Variants in SOX5 observed in about 807,000 individuals in gnomAD.
SOX5 encodes the protein SRY-box transcription factor 5.
In SOX5, 9 loss-of-function variants were observed where a neutral mutation model predicts 92.0. The observed-to-expected ratio is 0.10, with a 90% confidence interval of 0.06 to 0.17. SOX5 has a LOEUF of 0.17. Among genes scored for constraint, SOX5 ranks in the 10% least tolerant of loss-of-function variants. The probability of loss-of-function intolerance (pLI) is 1.00; values close to 1 mark genes in which losing one functional copy is unlikely to be tolerated. For missense variants in SOX5, 642 were observed against 944.5 expected (o/e 0.68, Z 4.20); for synonymous variants, 344 against 336.3 (o/e 1.02, Z -0.25).
intron 13 of SOX5, among the ~76,000 whole-genome samples, chr12:23,540,104 AAAAAG>A (rs1023985930): frequency 1.3e-5 from 2 of 151,636 alleles, no homozygotes; most frequent in African/African-American, 4.8e-5. Flanking sequence ...ATAAAAAAAA[AAAAAG>A]AGAGAAAAAA....
intron 2 of SOX5, among the ~76,000 whole-genome samples, chr12:24,281,101 A>G (rs1352128913): frequency 6.6e-6 from 1 of 151,970 alleles, no homozygotes; most frequent in East Asian, 1.9e-4. Flanking sequence ...GGGTACAAAT[A>G]GAAAAGAGAA....
chr12:23,715,254 G>C (rs1312568618), intron 6 of SOX5, among the ~76,000 whole-genome samples: 1 of 148,820 alleles, frequency 6.7e-6, no homozygotes, highest in Non-Finnish European at 1.5e-5. Flanking sequence ...AGCCGAGATA[G>C]TGCCACTGCA....
intron 4 of SOX5, among the ~76,000 whole-genome samples, chr12:23,751,391 C>G (rs1405173869): frequency 2.0e-5 from 3 of 151,932 alleles, no homozygotes; most frequent in Admixed American, 2.0e-4. Flanking sequence ...GATATAAACC[C>G]TTACATATTG....
At chr12:24,065,661 AAAAAAGAAAAGAAAAAAG>A (rs1940595841) in intron 4 of SOX5, among the ~76,000 whole-genome samples, 1 of 116,078 alleles carries the variant, frequency 8.6e-6, no homozygotes, top group Non-Finnish European at 2.3e-5. Flanking sequence ...AAAAAAAAAA[AAAAAAGAAAAGAAAAAAG>A]AAAAAGAAAA....
chr12:23,911,097 T>C (rs972580460), intron 1 of SOX5, among the ~76,000 whole-genome samples: 2 of 151,900 alleles, frequency 1.3e-5, no homozygotes, highest in Non-Finnish European at 2.9e-5. Flanking sequence ...ATTCAAATCA[T>C]AGTACAGAAG....
In SOX5 at chr12:24,068,680, A is replaced by ATGTGTGTGTGTG. The variant is rs367765179; in HGVS notation, c.-2+144651_-2+144662dup. ...TTATTTTTAGAAAGGTCAAAGTCGT[A>ATGTGTGTGTGTG]TGTGTGTGTGTGTGTGTGTGTGTGT... On this transcript the variant is annotated intron_variant, in intron 4 of 4. Coordinates refer to the SOX5 transcript ENST00000446891. Among the ~76,000 whole-genome samples, 231 of 62,888 alleles carry ATGTGTGTGTGTG rather than the reference A, an allele frequency of 3.7e-3. 2 individuals carry two copies. The highest frequency in any genetic ancestry group is 7.6e-3 in the South Asian group (6 of 788). 41.3% of individuals were successfully genotyped at this position (62,888 alleles called of 152,430 possible).
chr12:23,903,827 T>C (rs1263474447), intron 1 of SOX5, among the ~76,000 whole-genome samples: 1 of 152,186 alleles, frequency 6.6e-6, no homozygotes, highest in African/African-American at 2.4e-5. Context: ...GAATTAAACT[T>C]TACTGTGTAT....
chr12:24,475,462 G>C (rs953415541), intron 1 of SOX5, among the ~76,000 whole-genome samples: 1 of 152,124 alleles, frequency 6.6e-6, no homozygotes, highest in African/African-American at 2.4e-5. Context: ...TTTATGAACT[G>C]AGCTGAAGTT....
chr12:24,241,329 T>C (rs561824031), intron 3 of SOX5, among the ~76,000 whole-genome samples: 71 of 152,302 alleles, frequency 4.7e-4, no homozygotes, highest in Middle Eastern at 3.4e-3. Context: ...CTCTGCCTGA[T>C]TTCATTACAA....
intron 9 of SOX5, chr12:23,582,394 T>A: frequency 2.2e-6 from 1 of 447,520 alleles, no homozygotes; most frequent in Non-Finnish European, 3.0e-6. Context: ...CGTGCAAGAG[T>A]CAAAGTAACC....
At chr12:23,543,982 C>G (rs1942640800) in intron 12 of SOX5, among the ~76,000 whole-genome samples, 1 of 152,182 alleles carries the variant, frequency 6.6e-6, no homozygotes, top group Admixed American at 6.5e-5. Context: ...TATGCTGATA[C>G]AGCAATGACA....
intron 1 of SOX5, among the ~76,000 whole-genome samples, chr12:23,926,716 A>G (rs780926720): frequency 2.0e-5 from 3 of 152,036 alleles, no homozygotes; most frequent in Admixed American, 6.6e-5. Context: ...GACAGATTTG[A>G]GTGTTTATTT....
intron 3 of SOX5, among the ~76,000 whole-genome samples, chr12:24,236,048 C>T (rs142093757): frequency 4.3e-4 from 65 of 151,884 alleles, no homozygotes; most frequent in African/African-American, 1.5e-3. Flanking sequence ...AAAAATTAGC[C>T]GGGCGTGGTG....
intron 4 of SOX5, among the ~76,000 whole-genome samples, chr12:24,036,892 G>GTACAGA (rs1956094471): frequency 6.6e-6 from 1 of 152,148 alleles, no homozygotes. Context: ...TTTATTGTAT[G>GTACAGA]TACAGATGTT....
At chr12:24,210,878 G>A (rs759194941) in intron 4 of SOX5, among the ~76,000 whole-genome samples, 14 of 152,212 alleles carry the variant, frequency 9.2e-5, no homozygotes, top group Non-Finnish European at 1.8e-4. Context: ...TCTATAAAGG[G>A]ACATTTTTTA....
intron 9 of SOX5, among the ~76,000 whole-genome samples, chr12:23,600,552 T>TATATATATATATATATAG (rs745640453): frequency 1.0e-5 from 1 of 95,240 alleles, no homozygotes; most frequent in Non-Finnish European, 2.4e-5. Context: ...TATATATATA[T>TATATATATATATATATAG]ACACATACTT....
In SOX5 at chr12:24,450,388, TTAGA is replaced by T. The variant is rs1388713629; in HGVS notation, c.-250-81753_-250-81750del. 2.0e-4 allele frequency among the ~76,000 whole-genome samples: 30 copies of T among 152,306 alleles called. 1 individual carries two copies. Among genetic ancestry groups the T allele is most frequent in the Non-Finnish European group, 3.5e-4 (24 of 68,020 alleles). Reference sequence around the variant, plus strand: ...CAGGTATATATATTTACGAGCTATATTAGATATTTTGATACGGACATACAACATG... The same window carrying T: ...CAGGTATATATATTTACGAGCTATATTATTTTGATACGGACATACAACATG... On this transcript the variant is annotated intron_variant, in intron 1 of 4. Coordinates refer to the SOX5 transcript ENST00000446891.
chr12:24,243,858 T>A (rs1449131599), intron 3 of SOX5, among the ~76,000 whole-genome samples: 1 of 152,104 alleles, frequency 6.6e-6, no homozygotes, highest in African/African-American at 2.4e-5. Context: ...TCCACCTGAA[T>A]AGAAATATTC....
chr12:23,736,290 T>C (rs1567335855), intron 5 of SOX5, among the ~76,000 whole-genome samples: 1 of 151,810 alleles, frequency 6.6e-6, no homozygotes, highest in East Asian at 1.9e-4. Flanking sequence ...TGAAACCCCA[T>C]CTCTACTAAA....
Sources: allele counts gnomAD v4.1 joint callset (sites outside exome capture counted in the v4.1 genomes callset), GRCh38; gene constraint gnomAD v4.1.1; transcripts MANE v1.5; gene names NCBI Gene and HGNC (gene_info 2026-07-23, HGNC 2026-07-21).